Variants in JAZF1 observed in about 807,000 individuals in gnomAD.
The protein encoded by JAZF1 is juxtaposed with another zinc finger protein 1.
Under a neutral mutation model 26.4 loss-of-function variants are expected in JAZF1, and 8 were observed. The ratio of observed to expected loss-of-function variants is 0.30; its 90% CI spans 0.18 to 0.55. JAZF1 has a LOEUF of 0.55. Among genes scored for constraint, JAZF1 ranks in the 20% least tolerant of loss-of-function variants. JAZF1 has a pLI of 0.94. For synonymous variants in JAZF1, 126 were observed against 122.3 expected (o/e 1.03, Z -0.20); for missense variants, 199 against 322.0 (o/e 0.62, Z 2.92).
intron 1 of JAZF1, among the ~76,000 whole-genome samples, chr7:28,042,306 C>A (rs915379115): frequency 6.6e-6 from 1 of 152,080 alleles, no homozygotes; most frequent in African/African-American, 2.4e-5. Context: ...TTCAGAAAGA[C>A]CTTAGAGTTC....
chr7:27,884,894 C>G (rs756087867), intron 3 of JAZF1, among the ~76,000 whole-genome samples: 4 of 152,160 alleles, frequency 2.6e-5, no homozygotes, highest in African/African-American at 4.8e-5. Context: ...TCACTCAGCT[C>G]TGTGGCCCCG....
At chr7:28,094,531 G>T (rs1053387583) in intron 1 of JAZF1, among the ~76,000 whole-genome samples, 1 of 152,062 alleles carries the variant, frequency 6.6e-6, no homozygotes, top group African/African-American at 2.4e-5. Flanking sequence ...ACTTTTTTGC[G>T]ACCCTATACA....
chr7:27,852,393 G>A (rs1039785494), intron 3 of JAZF1, among the ~76,000 whole-genome samples: 1 of 152,016 alleles, frequency 6.6e-6, no homozygotes, highest in Non-Finnish European at 1.5e-5. Context: ...CTCAGCCTCC[G>A]AAAGTGCTGG....
intron 1 of JAZF1, among the ~76,000 whole-genome samples, chr7:28,028,032 T>C (rs1783122127): frequency 6.6e-6 from 1 of 152,214 alleles, no homozygotes; most frequent in South Asian, 2.1e-4. Flanking sequence ...AGTTTGTTTA[T>C]TCTCTATATT....
intron 1 of JAZF1, among the ~76,000 whole-genome samples, chr7:28,005,741 T>C (rs1460434554): frequency 2.0e-5 from 3 of 152,052 alleles, no homozygotes; most frequent in East Asian, 1.9e-4. Context: ...TGTAACTCAA[T>C]TGATCTCGCT....
intron 3 of JAZF1, among the ~76,000 whole-genome samples, chr7:27,852,239 C>G (rs892682041): frequency 1.3e-5 from 2 of 151,506 alleles, no homozygotes; most frequent in African/African-American, 4.9e-5. Context: ...TCAACTGATT[C>G]TCCTGCCTCA....
chr7:28,044,161 C>T (rs1205322668), intron 1 of JAZF1, among the ~76,000 whole-genome samples: 1 of 152,114 alleles, frequency 6.6e-6, no homozygotes, highest in Non-Finnish European at 1.5e-5. Flanking sequence ...TTCACCTCTA[C>T]TAAAAAAAAT....
chr7:27,894,298 G>C (rs765907148), intron 3 of JAZF1, among the ~76,000 whole-genome samples: 13 of 152,310 alleles, frequency 8.5e-5, no homozygotes, highest in Admixed American at 3.3e-4. Context: ...CTCCCAAAGT[G>C]CTGTGATTAT....
intron 1 of JAZF1, among the ~76,000 whole-genome samples, chr7:28,050,629 T>C (rs1783596548): frequency 6.6e-6 from 1 of 152,216 alleles, no homozygotes; most frequent in Non-Finnish European, 1.5e-5. Flanking sequence ...ATTTTTGAAG[T>C]GTACAGAGAT....
chr7:28,006,322 C>T (rs1340025811), intron 1 of JAZF1, among the ~76,000 whole-genome samples: 1 of 151,832 alleles, frequency 6.6e-6, no homozygotes, highest in African/African-American at 2.4e-5. Context: ...TGAGCCAAGA[C>T]GGCACCACTG....
At chr7:28,144,531 ACT>A (rs1782998396) in intron 1 of JAZF1, among the ~76,000 whole-genome samples, 2 of 152,224 alleles carry the variant, frequency 1.3e-5, no homozygotes, top group South Asian at 4.1e-4. Flanking sequence ...CAGTGACACC[ACT>A]CTGTCACCAG....
intron 3 of JAZF1, among the ~76,000 whole-genome samples, chr7:27,849,746 C>CACACACACACAGACACACACACACAG (rs1783104475): frequency 7.4e-6 from 1 of 135,506 alleles, no homozygotes; most frequent in African/African-American, 2.7e-5. Context: ...GGAACCCTTA[C>CACACACACACAGACACACACACACAG]ACACAGACAC....
chr7:27,835,681 CTAT>C (rs1232461475), intron 4 of JAZF1, among the ~76,000 whole-genome samples: 5 of 152,180 alleles, frequency 3.3e-5, no homozygotes. Context: ...AAGTGAGACT[CTAT>C]TAAGACATTT....
chr7:27,998,063 A>AGGCAGGC (rs1562553947), intron 1 of JAZF1, among the ~76,000 whole-genome samples: 27 of 72,260 alleles, frequency 3.7e-4, no homozygotes, highest in South Asian at 9.0e-4. Context: ...GGAAGGAAGG[A>AGGCAGGC]AGGAAGGAAG....
Position 27,966,053 on chromosome 7 carries a change from G to A in JAZF1, c.188+25856C>T, listed in dbSNP as rs551602900. 8.5e-5 allele frequency among the ~76,000 whole-genome samples: 13 copies of A among 152,340 alleles called. No homozygotes were observed. The East Asian group carries it at 2.5e-3, about 29-fold the overall frequency. The stretch of plus-strand genomic sequence containing the variant: ...GAATTCTCCTTCCCCTGCTATTGCA[G>A]AATATGGTAATGTAATTAGAAAAAG... On this transcript the variant is annotated intron_variant, in intron 2 of 4. Transcript: ENST00000283928.
intron 3 of JAZF1, chr7:27,846,650 G>A (rs1362577144): frequency 2.4e-6 from 1 of 412,152 alleles, no homozygotes; most frequent in Non-Finnish European, 5.1e-6. Flanking sequence ...TGTCTGAATG[G>A]GTGTGCTCTT....
chr7:28,020,491 CTA>C, intron 1 of JAZF1: 1 of 446,040 alleles, frequency 2.2e-6, no homozygotes, highest in Non-Finnish European at 4.7e-6. Flanking sequence ...GAGTTGAAGC[CTA>C]TGACCCCTAG....
At chr7:27,910,494 T>G (rs762090389) in intron 2 of JAZF1, among the ~76,000 whole-genome samples, 1 of 152,238 alleles carries the variant, frequency 6.6e-6, no homozygotes, top group Non-Finnish European at 1.5e-5. Flanking sequence ...GCCAAAGGCA[T>G]GCACTAATCC....
At chr7:28,167,078 G>T (rs547717111) in intron 1 of JAZF1, among the ~76,000 whole-genome samples, 27 of 152,242 alleles carry the variant, frequency 1.8e-4, no homozygotes, top group African/African-American at 6.3e-4. Context: ...CTGATCTCCA[G>T]GCCCTTCATA....
Sources: allele counts gnomAD v4.1 joint callset (sites outside exome capture counted in the v4.1 genomes callset), GRCh38; gene constraint gnomAD v4.1.1; transcripts MANE v1.5; gene names NCBI Gene and HGNC (gene_info 2026-07-23, HGNC 2026-07-21).